TEK: variants seen among roughly 807,000 people sequenced by gnomAD.
TEK encodes the protein angiopoietin-1 receptor.
Under a neutral mutation model 131.8 loss-of-function variants are expected in TEK, and 43 were observed. That is an observed-to-expected ratio of 0.33 (90% CI 0.26 to 0.42). The LOEUF (loss-of-function observed/expected upper bound fraction) is 0.42, where lower values mean the gene tolerates loss of function less well. TEK is among the 10% of genes least tolerant of loss of function. The pLI is 1.00. For missense variants in TEK, 1,162 were observed against 1,384.4 expected (o/e 0.84, Z 2.55); for synonymous variants, 580 against 491.6 (o/e 1.18, Z -2.38).
intron 22 of TEK, 64 bp from the exon 23 acceptor site, chr9:27,229,094 A>G: frequency 6.8e-7 from 1 of 1,474,908 alleles, no homozygotes; most frequent in Non-Finnish European, 9.5e-7. Flanking sequence ...GTATTGCTGT[A>G]ACTGCCGCTG....
chr9:27,214,054 T>A (rs1449428728), intron 18 of TEK, among the ~76,000 whole-genome samples: 1 of 152,256 alleles, frequency 6.6e-6, no homozygotes, highest in African/African-American at 2.4e-5. Context: ...CAGGCTCATC[T>A]AAGATTTCTC....
At chr9:27,126,678 A>G (rs1451466161) in intron 1 of TEK, among the ~76,000 whole-genome samples, 5 of 152,236 alleles carry the variant, frequency 3.3e-5, no homozygotes, top group African/African-American at 4.8e-5. Flanking sequence ...AGGGTAATCA[A>G]TCAGGCTCCA....
rs761968192 is a variant in TEK at position 27,220,186 on chromosome 9, C to T, written c.3200+41C>T. 2.9e-5 allele frequency: 47 copies of T among 1,599,022 alleles called. No individual in the cohort carries two copies. In the Admixed American group the frequency reaches 4.7e-4, roughly 16 times the overall value. On this transcript the variant is annotated intron_variant, in intron 21 of 22. Transcript: ENST00000380036. ...TCCTGGGGCTATTTTGTCTTACCTTCCCCCTGTGTGTTTCTGGGGCCAGCT... is the reference window on the plus strand; with the variant it reads ...TCCTGGGGCTATTTTGTCTTACCTTTCCCCTGTGTGTTTCTGGGGCCAGCT...
chr9:27,173,692 A>G (rs547150780), intron 6 of TEK, among the ~76,000 whole-genome samples: 1 of 146,074 alleles, frequency 6.8e-6, no homozygotes, highest in South Asian at 2.2e-4. Flanking sequence ...TTTTCAGACC[A>G]TGCTTTGAGT....
chr9:27,122,607 C>G (rs894818324), intron 1 of TEK, among the ~76,000 whole-genome samples: 1 of 151,688 alleles, frequency 6.6e-6, no homozygotes, highest in South Asian at 2.1e-4. Context: ...TAGGATGAAG[C>G]GGTGTGAGGT....
At chr9:27,116,975 C>A (rs1821587556) in intron 1 of TEK, among the ~76,000 whole-genome samples, 2 of 151,310 alleles carry the variant, frequency 1.3e-5, no homozygotes, top group African/African-American at 4.9e-5. Flanking sequence ...CATTCTCCTG[C>A]CTCAGCCTCC....
chr9:27,120,180 C>G (rs530599919), intron 1 of TEK, among the ~76,000 whole-genome samples: 1 of 152,198 alleles, frequency 6.6e-6, no homozygotes, highest in Non-Finnish European at 1.5e-5. Flanking sequence ...GCCTGCCTCA[C>G]CAGCCTCTCG....
At chr9:27,224,636 C>G (rs528092975) in intron 21 of TEK, among the ~76,000 whole-genome samples, 2 of 152,210 alleles carry the variant, frequency 1.3e-5, no homozygotes, top group East Asian at 3.9e-4. Flanking sequence ...TATGACAAAC[C>G]CACAGCCAGT....
intron 1 of TEK, among the ~76,000 whole-genome samples, chr9:27,122,364 A>C (rs1821825236): frequency 6.6e-6 from 1 of 152,196 alleles, no homozygotes. Context: ...GGATTATGGA[A>C]GATCAGGAGT....
intron 1 of TEK, among the ~76,000 whole-genome samples, chr9:27,116,965 C>A (rs549925929): frequency 2.6e-5 from 4 of 151,288 alleles, no homozygotes; most frequent in Non-Finnish European, 4.4e-5. Context: ...AGGTTCACAC[C>A]ATTCTCCTGC....
chr9:27,202,996 C>G lies in TEK; in HGVS notation c.2086C>G (p.Gln696Glu). 1 of 1,614,122 alleles carries G rather than the reference C, an allele frequency of 6.2e-7. No homozygotes were observed. The highest frequency in any genetic ancestry group is 8.5e-7 in the Non-Finnish European group (1 of 1,180,000). The change falls in exon 13 of 23, where the codon CAG (glutamine) becomes GAG (glutamate). Residue 696 changes from glutamine (Q) to glutamate (E), a missense_variant. Physicochemically the swap from Gln to Glu is conservative, Grantham distance 29. Around this residue, in one of 6 missense-constraint regions of TEK, gnomAD observed 477 missense variants for 471.0 expected, o/e 1.01. Coordinates refer to ENST00000380036, the MANE Select transcript of TEK (RefSeq NM_000459.5). ...DVKIKNATIT[Q>E]YQLKGLEPET... ...GAAGATAAAGAATGCCACCATCACT[C>G]AGTATCAGCTCAAGGGCCTAGAGCC...
intron 7 of TEK, among the ~76,000 whole-genome samples, chr9:27,181,864 T>A (rs546244081): frequency 1.3e-5 from 2 of 151,868 alleles, no homozygotes; most frequent in Admixed American, 6.6e-5. Flanking sequence ...TTGAAATAAA[T>A]ACATATCCAG....
chr9:27,173,437 A>C, intron 6 of TEK, 75 bp downstream of exon 6: 1 of 1,591,496 alleles, frequency 6.3e-7, no homozygotes, highest in South Asian at 1.1e-5. Context: ...GCTGTCAATC[A>C]CAACATCGGA....
intron 14 of TEK, among the ~76,000 whole-genome samples, chr9:27,206,276 C>A (rs3780307): frequency 3.3e-5 from 5 of 152,022 alleles, no homozygotes; most frequent in African/African-American, 1.2e-4. Flanking sequence ...AGGGAACTCA[C>A]GTACAACTAA....
At chr9:27,187,663 G>T (rs1202192785) in intron 9 of TEK, among the ~76,000 whole-genome samples, 1 of 152,094 alleles carries the variant, frequency 6.6e-6, no homozygotes, top group Non-Finnish European at 1.5e-5. Flanking sequence ...TAAGCAACAG[G>T]AATTTATTTT....
At chr9:27,220,399 C>A (rs963860693) in intron 21 of TEK, among the ~76,000 whole-genome samples, 1 of 152,172 alleles carries the variant, frequency 6.6e-6, no homozygotes, top group East Asian at 1.9e-4. Context: ...GGAAGGGCAA[C>A]AAATGCAGAA....
intron 1 of TEK, among the ~76,000 whole-genome samples, chr9:27,111,316 C>T (rs1001995754): frequency 5.9e-5 from 9 of 152,142 alleles, no homozygotes; most frequent in Non-Finnish European, 1.3e-4. Context: ...TTGATCGTAG[C>T]TTGCATTCCT....
intron 15 of TEK, among the ~76,000 whole-genome samples, chr9:27,207,822 C>T (rs543887993): frequency 1.8e-4 from 28 of 152,264 alleles, no homozygotes; most frequent in Non-Finnish European, 3.4e-4. Flanking sequence ...CTGCTTTCTG[C>T]ATTGTTAGGA....
At chr9:27,195,531 C>T (rs776678080) in intron 11 of TEK, 9 of 379,504 alleles carry the variant, frequency 2.4e-5, no homozygotes, top group Admixed American at 6.8e-5. Context: ...AATTTTTTTG[C>T]CCCATAGGAG....
Sources: allele counts gnomAD v4.1 joint callset (sites outside exome capture counted in the v4.1 genomes callset), GRCh38; gene constraint gnomAD v4.1.1; regional missense constraint gnomAD v4.1.1; transcripts MANE v1.5; gene names NCBI Gene and HGNC (gene_info 2026-07-23, HGNC 2026-07-21).